Variants in SAMD12 observed in about 807,000 individuals in gnomAD.
The protein encoded by SAMD12 is sterile alpha motif domain containing 12, also known as sterile alpha motif domain-containing protein 12.
A neutral mutation model predicts 15.0 loss-of-function variants in SAMD12; 9 were observed. That is an observed-to-expected ratio of 0.60 (90% CI 0.36 to 1.05). The LOEUF is 1.05. Among genes scored for constraint, SAMD12 ranks in the 50% least tolerant of loss-of-function variants. SAMD12 has a pLI of 0.01. For missense variants in SAMD12, 230 were observed against 234.2 expected (o/e 0.98, Z 0.12); for synonymous variants, 86 against 90.1 (o/e 0.96, Z 0.25).
At chr8:118,231,585 A>C (rs1330306410) in intron 4 of SAMD12, among the ~76,000 whole-genome samples, 1 of 152,198 alleles carries the variant, frequency 6.6e-6, no homozygotes, top group Non-Finnish European at 1.5e-5. Context: ...ATACAGTCCT[A>C]TATCACAGCT....
chr8:118,220,526 T>A (rs977149637), intron 4 of SAMD12, among the ~76,000 whole-genome samples: 9 of 152,186 alleles, frequency 5.9e-5, no homozygotes, highest in African/African-American at 2.2e-4. Flanking sequence ...ATTTAGTTAA[T>A]CACTACATTT....
At chr8:118,247,165 A>G (rs1349539115) in intron 4 of SAMD12, among the ~76,000 whole-genome samples, 2 of 152,122 alleles carry the variant, frequency 1.3e-5, no homozygotes, top group Non-Finnish European at 2.9e-5. Flanking sequence ...AGAGGGAGAT[A>G]AATATTGCAT....
intron 1 of SAMD12, among the ~76,000 whole-genome samples, chr8:118,596,445 C>G (rs1420784769): frequency 6.6e-6 from 1 of 152,198 alleles, no homozygotes; most frequent in East Asian, 1.9e-4. Flanking sequence ...CTCCATCCTT[C>G]CATTCTAAAG....
intron 2 of SAMD12, among the ~76,000 whole-genome samples, chr8:118,479,055 T>C (rs970264052): frequency 8.8e-5 from 13 of 147,852 alleles, no homozygotes; most frequent in Non-Finnish European, 1.9e-4. Context: ...AAACTCGGCA[T>C]TGGCTCCCCA....
chr8:118,369,645 G>A (rs558244635), intron 4 of SAMD12, among the ~76,000 whole-genome samples: 13 of 152,174 alleles, frequency 8.5e-5, no homozygotes, highest in African/African-American at 3.1e-4. Flanking sequence ...AACCTAGGAG[G>A]CGGAGGTTGC....
chr8:118,522,157 AAC>A (rs71292173), intron 2 of SAMD12, among the ~76,000 whole-genome samples: 4,782 of 69,928 alleles, frequency 0.068, 217 homozygotes, highest in African/African-American at 0.24. Flanking sequence ...GATTCAGTGA[AAC>A]ACACACACAC....
chr8:118,508,445 T>C (rs1824985348), intron 2 of SAMD12, among the ~76,000 whole-genome samples: 1 of 145,234 alleles, frequency 6.9e-6, no homozygotes, highest in Admixed American at 6.7e-5. Context: ...ACAAGTTTCT[T>C]TTTTGTTTTG....
chr8:118,371,192 T>C (rs539114067), intron 4 of SAMD12, among the ~76,000 whole-genome samples: 63 of 152,304 alleles, frequency 4.1e-4, no homozygotes, highest in Admixed American at 6.5e-4. Flanking sequence ...AGAATGGCTG[T>C]GCGATGCTGA....
At chr8:118,482,611 G>A (rs2515013) in intron 2 of SAMD12, among the ~76,000 whole-genome samples, 19,642 of 152,074 alleles carry the variant, frequency 0.13, 1,402 homozygotes, top group East Asian at 0.27. Flanking sequence ...AAGTATACAA[G>A]AGATGTGCAT....
At chr8:118,589,463 T>A (rs1191002564) in intron 1 of SAMD12, among the ~76,000 whole-genome samples, 1 of 152,226 alleles carries the variant, frequency 6.6e-6, no homozygotes, top group African/African-American at 2.4e-5. Flanking sequence ...ACATCAAATA[T>A]TCACTTGTCC....
intron 3 of SAMD12, among the ~76,000 whole-genome samples, chr8:118,435,933 G>A (rs1190585414): frequency 1.3e-5 from 2 of 152,270 alleles, no homozygotes; most frequent in Non-Finnish European, 2.9e-5. Flanking sequence ...GTAAATGGGA[G>A]GTAAAACTCA....
exon 5 of SAMD12, chr8:118,191,601 T>C (rs2129728452): frequency 6.6e-6 from 1 of 151,166 alleles, no homozygotes; most frequent in South Asian, 2.1e-4. Flanking sequence ...CTGCAGCAGC[T>C]GGTATGTGGG....
At chr8:118,551,024 T>C (rs1219268461) in intron 2 of SAMD12, among the ~76,000 whole-genome samples, 2 of 152,060 alleles carry the variant, frequency 1.3e-5, no homozygotes, top group Non-Finnish European at 2.9e-5. Context: ...CCCAGATTCA[T>C]AAAGCAAGTC....
intron 2 of SAMD12, among the ~76,000 whole-genome samples, chr8:118,521,247 G>C (rs971555362): frequency 6.6e-6 from 1 of 152,090 alleles, no homozygotes; most frequent in Non-Finnish European, 1.5e-5. Context: ...AGCACTCACT[G>C]TCTGTCACAT....
chr8:118,590,049 C>G (rs1042189374), intron 1 of SAMD12, among the ~76,000 whole-genome samples: 1 of 152,134 alleles, frequency 6.6e-6, no homozygotes, highest in African/African-American at 2.4e-5. Context: ...GTTCTCTCAG[C>G]TTCCTTTTGC....
chr8:118,478,494 T>C (rs1463908614), intron 2 of SAMD12, among the ~76,000 whole-genome samples: 1 of 152,274 alleles, frequency 6.6e-6, no homozygotes, highest in Non-Finnish European at 1.5e-5. Context: ...GGAGTGTATG[T>C]AGATTTTATT....
chr8:118,245,266 C>T (rs1812659741), intron 4 of SAMD12, among the ~76,000 whole-genome samples: 1 of 152,130 alleles, frequency 6.6e-6, no homozygotes, highest in African/African-American at 2.4e-5. Flanking sequence ...TGTGATTAGA[C>T]ACTGAGGTCA....
intron 4 of SAMD12, among the ~76,000 whole-genome samples, chr8:118,334,186 C>T (rs182793040): frequency 2.8e-4 from 43 of 152,282 alleles, no homozygotes; most frequent in Admixed American, 2.6e-3. Flanking sequence ...TCTATTTACA[C>T]ATTTATTTAA....
intron 1 of SAMD12, among the ~76,000 whole-genome samples, chr8:118,616,041 C>T (rs1325504651): frequency 6.6e-6 from 1 of 152,116 alleles, no homozygotes; most frequent in African/African-American, 2.4e-5. Flanking sequence ...TCAATAGAAA[C>T]TCTGGTGCAG....
Sources: gnomAD v4.1 joint callset for allele counts (sites outside exome capture counted in the v4.1 genomes callset) on GRCh38, gnomAD v4.1.1 for gene constraint, MANE v1.5 for transcripts, NCBI Gene and HGNC (gene_info 2026-07-23, HGNC 2026-07-21) for gene names.